TAF2: variants seen among roughly 807,000 people sequenced by gnomAD.
The protein encoded by TAF2 is transcription initiation factor TFIID subunit 2.
Under a neutral mutation model 138.5 loss-of-function variants are expected in TAF2, and 61 were observed. The observed-to-expected ratio is 0.44, with a 90% CI of 0.36 to 0.54. The LOEUF is 0.54. Ranked by LOEUF, TAF2 falls within the 20% of genes least tolerant of loss-of-function variation. TAF2 has a pLI of 0.00. For synonymous variants in TAF2, 475 were observed against 469.9 expected (o/e 1.01, Z -0.14); for missense variants, 1,090 against 1,427.9 (o/e 0.76, Z 3.81).
At chr8:119,791,059 C>A (rs1823394479) in intron 11 of TAF2, among the ~76,000 whole-genome samples, 1 of 152,124 alleles carries the variant, frequency 6.6e-6, no homozygotes, top group Admixed American at 6.5e-5. Flanking sequence ...CCTCAGCCTC[C>A]CAAAGTGCTG....
chr8:119,760,186 T>A (rs1204953007), intron 20 of TAF2, among the ~76,000 whole-genome samples: 1 of 152,166 alleles, frequency 6.6e-6, no homozygotes, highest in Non-Finnish European at 1.5e-5. Context: ...GGCCTTATGT[T>A]TTTTCTATAT....
At chr8:119,788,652 G>T in intron 13 of TAF2, 138 bp downstream of exon 13, 1 of 808,164 alleles carries the variant, frequency 1.2e-6, no homozygotes, top group Non-Finnish European at 2.1e-6. Context: ...TCCCTTCTTT[G>T]ACAAAGTCAA....
chr8:119,804,602 A>G (rs924692070), intron 4 of TAF2, among the ~76,000 whole-genome samples: 3 of 152,226 alleles, frequency 2.0e-5, no homozygotes, highest in Non-Finnish European at 4.4e-5. Context: ...AGCCATCTGC[A>G]TAAGACATGA....
intron 2 of TAF2, among the ~76,000 whole-genome samples, chr8:119,823,715 G>C (rs1014511208): frequency 6.6e-6 from 1 of 152,320 alleles, no homozygotes. Context: ...ATGTGGAAGC[G>C]ACTTTGGAAC....
rs530613599 is a variant in TAF2 at position 119,785,062 on chromosome 8, C to G, written c.1859+139G>C. 4.7e-5 allele frequency: 31 copies of G among 661,048 alleles called. No individual in the cohort carries two copies. In the South Asian group the frequency reaches 6.0e-4, roughly 13 times the overall value. 40.9% of individuals were successfully genotyped at this position (661,048 alleles called of 1,614,324 possible). A position where few individuals can be genotyped will look rare whatever the true frequency, so the allele number is the denominator to read the frequency against. On this transcript the variant is annotated intron_variant, in intron 15 of 25. Transcript: ENST00000378164. ...TATGATTTTACATAAACTGTTTTAACATAGGGTTTCTATTAAATTAAAATA... is the reference window on the plus strand; with the variant it reads ...TATGATTTTACATAAACTGTTTTAAGATAGGGTTTCTATTAAATTAAAATA...
chr8:119,806,313 C>T lies in TAF2; in HGVS notation c.388G>A (p.Val130Ile), dbSNP rs1397184618. 6.2e-6 allele frequency: 10 copies of T among 1,613,874 alleles called. No individual in the cohort carries two copies. Among genetic ancestry groups the T allele is most frequent in the African/African-American group, 4.0e-5 (3 of 74,884 alleles). The part of the protein sequence containing the change: ...DAGNGELCIK[V>I]PSELWKHVDE... ...ACGTGTTTCCATAGCTCTGATGGAA[C>T]CTTAATGCAAAGTTCTCCATTTCCT... Residue 130 changes from valine to isoleucine, a missense_variant, in exon 4 of 26, where the codon GTT becomes ATT. Val to Ile is a conservative substitution (Grantham distance 29). Transcript: ENST00000378164.
intron 2 of TAF2, among the ~76,000 whole-genome samples, chr8:119,826,919 G>A (rs1284470926): frequency 1.3e-5 from 2 of 152,146 alleles, no homozygotes; most frequent in Non-Finnish European, 2.9e-5. Flanking sequence ...TCAGCCAGGT[G>A]TGGTGGCTCA....
intron 20 of TAF2, among the ~76,000 whole-genome samples, chr8:119,758,890 T>C (rs1053974890): frequency 6.6e-6 from 1 of 152,180 alleles, no homozygotes; most frequent in African/African-American, 2.4e-5. Flanking sequence ...ATTATATTCA[T>C]AGTTCACATT....
chr8:119,804,131 T>A (rs1301613186), intron 4 of TAF2, 112 bp from the exon 5 acceptor site: 3 of 1,282,686 alleles, frequency 2.3e-6, no homozygotes, highest in Admixed American at 1.9e-5. Flanking sequence ...GAGATTTATA[T>A]GAAAAACCAC....
intron 17 of TAF2, among the ~76,000 whole-genome samples, chr8:119,779,775 A>G (rs1020193799): frequency 1.3e-5 from 2 of 152,016 alleles, no homozygotes; most frequent in Non-Finnish European, 2.9e-5. Context: ...CTATCTTTTC[A>G]CTTGTTTTTA....
chr8:119,739,041 T>C (rs1203150339), intron 25 of TAF2, among the ~76,000 whole-genome samples: 1 of 151,000 alleles, frequency 6.6e-6, no homozygotes, highest in Non-Finnish European at 1.5e-5. Context: ...AATTAAAAAA[T>C]TTACCAGAAT....
At chr8:119,756,148 A>C in intron 21 of TAF2, 33 bp from the exon 22 acceptor site, 1 of 1,512,698 alleles carries the variant, frequency 6.6e-7, no homozygotes, top group East Asian at 2.3e-5. Context: ...ATTTTTGCTG[A>C]CCTTTTACTG....
rs758814389 is a variant in TAF2, at chr8:119,806,359, A to G, written c.342T>C (p.Val114=). 2 of 1,614,172 alleles carry G rather than the reference A, an allele frequency of 1.2e-6. No individual in the cohort carries two copies. Among genetic ancestry groups the G allele is most frequent in the Non-Finnish European group, 1.7e-6 (2 of 1,180,002 alleles). ...NYFSNAYAAA[V]SAVDPDAGNG... ...TTCCTGCATCAGGGTCCACAGCACTAACTGCAGCTGCATAAGCATTGGAAA... is the reference window on the plus strand; with the variant it reads ...TTCCTGCATCAGGGTCCACAGCACTGACTGCAGCTGCATAAGCATTGGAAA... Residue 114 remains valine (V), a synonymous_variant, in exon 4 of 26, where the codon GTT becomes GTC. Transcript: ENST00000378164.
chr8:119,772,901 C>T (rs1374941581), intron 18 of TAF2, among the ~76,000 whole-genome samples: 1 of 150,716 alleles, frequency 6.6e-6, no homozygotes, highest in Non-Finnish European at 1.5e-5. Context: ...CATGCCACTG[C>T]ACTCCAGTCT....
chr8:119,795,622 T>G lies in TAF2; in HGVS notation c.1101A>C (p.Glu367Asp). 6.2e-7 allele frequency: 1 copy of G among 1,613,690 alleles called. No individual in the cohort carries two copies. Among genetic ancestry groups the G allele is most frequent in the Non-Finnish European group, 8.5e-7 (1 of 1,179,762 alleles). ...AGCCTGAAATTCCCTTCAGCACCCA[T>G]TCATCAGACCTAAGCAAAAAGTCAA... ...CFISRMSWSD[E>D]WVLKGISGYI... is the part of the protein sequence containing the mutation. The change falls in exon 9 of 26, where the codon GAA becomes GAC. Residue 367 changes from glutamate (E) to aspartate (D), a missense_variant. By Grantham distance (45) the Glu-to-Asp change is conservative (BLOSUM62 2). This residue lies in a region of TAF2 where 504 missense variants were observed against 680.9 expected (regional missense o/e 0.74). Coordinates refer to ENST00000378164, the MANE Select transcript of TAF2 (RefSeq NM_003184.4).
intron 23 of TAF2, among the ~76,000 whole-genome samples, chr8:119,745,425 A>T (rs1586300467): frequency 9.1e-6 from 1 of 109,654 alleles, no homozygotes; most frequent in Admixed American, 7.6e-5. Context: ...TGTCTGTCTT[A>T]CTTCTTCATA....
intron 18 of TAF2, among the ~76,000 whole-genome samples, chr8:119,768,945 G>C (rs1586373642): frequency 6.6e-6 from 1 of 152,182 alleles, no homozygotes; most frequent in Non-Finnish European, 1.5e-5. Flanking sequence ...CATCTGCATG[G>C]AGAGTTATGA....
chr8:119,742,611 G>C lies in TAF2; in HGVS notation c.3260C>G (p.Pro1087Arg), dbSNP rs1819670925. 2 of 1,613,798 alleles carry C rather than the reference G, an allele frequency of 1.2e-6. No homozygotes were observed. Among genetic ancestry groups the C allele is most frequent in the South Asian group, 1.1e-5 (1 of 91,082 alleles). The part of the protein sequence containing the change: ...RPASSRSALI[P>R]QHSAGCDSTP... The stretch of plus-strand genomic sequence containing the variant: ...GCTGTCACAGCCTGCTGAGTGCTGG[G>C]GTATTAAAGCAGATCGGGAGCTAGC... The change falls in exon 25 of 26, where the codon CCC becomes CGC. Residue 1087 changes from proline to arginine, a missense_variant. Pro to Arg is a moderately radical substitution (Grantham distance 103). Transcript: ENST00000378164.
At chr8:119,759,050 T>A (rs1394845239) in intron 20 of TAF2, among the ~76,000 whole-genome samples, 3 of 152,104 alleles carry the variant, frequency 2.0e-5, no homozygotes, top group African/African-American at 7.2e-5. Flanking sequence ...TTAAAAACTA[T>A]CCATACATCT....
Sources: allele counts gnomAD v4.1 joint callset (sites outside exome capture counted in the v4.1 genomes callset), GRCh38; gene constraint gnomAD v4.1.1; regional missense constraint gnomAD v4.1.1; transcripts MANE v1.5; gene names NCBI Gene and HGNC (gene_info 2026-07-23, HGNC 2026-07-21).